Variants in ANKRD18B observed in about 807,000 individuals in gnomAD.
ANKRD18B encodes the protein ankyrin repeat domain-containing protein 18B.
Under a neutral mutation model 111.8 loss-of-function variants are expected in ANKRD18B, and 75 were observed. The ratio of observed to expected loss-of-function variants is 0.67; its 90% CI spans 0.56 to 0.81. The LOEUF is 0.81. Ranked by LOEUF, ANKRD18B falls within the 40% of genes least tolerant of loss-of-function variation. The probability of loss-of-function intolerance (pLI) is 0.00; values close to 1 mark genes in which losing one functional copy is unlikely to be tolerated. For missense variants in ANKRD18B, 1,038 were observed against 1,225.5 expected, an observed-to-expected ratio of 0.85 and a Z score of 2.28; for synonymous variants, 356 against 417.3, an observed-to-expected ratio of 0.85 and a Z score of 1.79.
chr9:33,558,682 A>G (rs903379336), intron 14 of ANKRD18B, among the ~76,000 whole-genome samples: 1 of 152,194 alleles, frequency 6.6e-6, no homozygotes, highest in Non-Finnish European at 1.5e-5. Flanking sequence ...TTATAATACA[A>G]TAATTTATAT....
rs537574569 is a variant in ANKRD18B at position 33,568,907 on chromosome 9, C to A, written c.3177+14C>A. Reference sequence around the variant, plus strand: ...TCCTTGACTGAGGTTAGTTATATGACCATTTCTCTTTTGGGTTTCATTTCT... The same window carrying A: ...TCCTTGACTGAGGTTAGTTATATGAACATTTCTCTTTTGGGTTTCATTTCT... On this transcript the variant is annotated intron_variant, in intron 17 of 18. Transcript: ENST00000684830. 8 of 1,516,466 alleles carry A rather than the reference C, an allele frequency of 5.3e-6. No homozygotes were observed. In the South Asian group the frequency reaches 1.0e-4, roughly 19 times the overall value. The allele number at this position is 1,516,466 out of a possible 1,614,324, so 93.9% of individuals were successfully genotyped here. A position where few individuals can be genotyped will look rare whatever the true frequency, so the allele number is the denominator to read the frequency against.
chr9:33,569,471 G>A (rs1482294070), intron 17 of ANKRD18B, among the ~76,000 whole-genome samples: 1 of 151,672 alleles, frequency 6.6e-6, no homozygotes, highest in Non-Finnish European at 1.5e-5. Context: ...CACCATATTG[G>A]CCAGGCAGGT....
chr9:33,572,148 T>C, intron 18 of ANKRD18B, 168 bp from the exon 19 acceptor site: 1 of 612,380 alleles, frequency 1.6e-6, no homozygotes, highest in Non-Finnish European at 2.9e-6. Context: ...ACAATTAGAA[T>C]TAGTGCCATG....
chr9:33,541,112 A>T, intron 8 of ANKRD18B, 35 bp from the exon 9 acceptor site: 1 of 1,537,574 alleles, frequency 6.5e-7, no homozygotes, highest in Non-Finnish European at 8.7e-7. Flanking sequence ...GATGTTTTCC[A>T]GAAGGAATAT....
chr9:33,542,174 C>G (rs958811733), intron 9 of ANKRD18B, among the ~76,000 whole-genome samples: 19 of 149,994 alleles, frequency 1.3e-4, no homozygotes, highest in African/African-American at 4.4e-4. Context: ...AAAATAAAGA[C>G]TGTCTACACA....
chr9:33,548,454 A>G lies in ANKRD18B; in HGVS notation c.1666A>G (p.Thr556Ala). 6.4e-7 allele frequency: 1 copy of G among 1,551,208 alleles called. No individual in the cohort carries two copies. Among genetic ancestry groups the G allele is most frequent in the Admixed American group, 2.0e-5 (1 of 50,930 alleles). Residue 556 changes from threonine (T) to alanine (A), a missense_variant, in exon 11 of 19, where the codon ACC becomes GCC. This residue lies in a region of ANKRD18B where 524 missense variants were observed against 677.9 expected (regional missense o/e 0.77). Transcript: ENST00000684830. Reference sequence around the variant, plus strand: ...CCATAAAGCTCGGGTGAAGTTCAATACCTTAAAAGGTAAGCTCCGTGAGAC... The same window carrying G: ...CCATAAAGCTCGGGTGAAGTTCAATGCCTTAAAAGGTAAGCTCCGTGAGAC... ...QVHKARVKFN[T>A]LKGKLRETRD... is the part of the protein sequence containing the mutation.
chr9:33,567,419 G>C, intron 16 of ANKRD18B, 105 bp downstream of exon 16: 1 of 957,502 alleles, frequency 1.0e-6, no homozygotes. Context: ...GGAAGTGAAT[G>C]CTAATTTGGT....
chr9:33,547,912 C>T (rs1828384068), intron 10 of ANKRD18B, 26 bp from the exon 11 acceptor site: 3 of 1,359,822 alleles, frequency 2.2e-6, no homozygotes, highest in Admixed American at 3.3e-5. Context: ...TGAGTGCTAA[C>T]TAAAAATTTG....
intron 11 of ANKRD18B, 52 bp from the exon 12 acceptor site, chr9:33,550,376 CAT>C: frequency 1.4e-6 from 2 of 1,460,316 alleles, no homozygotes; most frequent in Non-Finnish European, 1.8e-6. Flanking sequence ...TAAATATTAA[CAT>C]AATTTAATAA....
chr9:33,527,024 G>C (rs1210958766), intron 1 of ANKRD18B, among the ~76,000 whole-genome samples: 4 of 152,108 alleles, frequency 2.6e-5, no homozygotes, highest in Non-Finnish European at 4.4e-5. Context: ...AAAACTTTAT[G>C]TTTACCTGTT....
intron 14 of ANKRD18B, 117 bp from the exon 15 acceptor site, chr9:33,566,102 C>T: frequency 1.1e-6 from 1 of 926,110 alleles, no homozygotes; most frequent in Non-Finnish European, 1.6e-6. Context: ...GAAGAATCTA[C>T]TACATTATAG....
chr9:33,573,378 C>G (rs1436338706), downstream of ANKRD18B: 3 of 886,246 alleles, frequency 3.4e-6, no homozygotes, highest in African/African-American at 3.6e-5. Flanking sequence ...TGATTAGTCT[C>G]TCTGCAGCCT....
At chr9:33,527,399 G>A (rs1828041104) in intron 1 of ANKRD18B, among the ~76,000 whole-genome samples, 1 of 152,056 alleles carries the variant, frequency 6.6e-6, no homozygotes, top group African/African-American at 2.4e-5. Context: ...TCAGCTCACT[G>A]CAACCTCTGC....
chr9:33,534,317 A>G, intron 4 of ANKRD18B, 53 bp from the exon 5 acceptor site: 1 of 1,491,878 alleles, frequency 6.7e-7, no homozygotes, highest in Non-Finnish European at 8.9e-7. Context: ...CAATTTGCTA[A>G]TTAAATATCT....
intron 13 of ANKRD18B, among the ~76,000 whole-genome samples, 194 bp downstream of exon 13, chr9:33,556,014 G>A (rs998956000): frequency 1.2e-4 from 18 of 151,886 alleles, no homozygotes; most frequent in Non-Finnish European, 2.6e-4. Context: ...ATGACCCTTG[G>A]ACTTTTTTGT....
chr9:33,550,320 G>A (rs1828428116), intron 11 of ANKRD18B, 110 bp from the exon 12 acceptor site: 1 of 1,147,612 alleles, frequency 8.7e-7, no homozygotes, highest in Admixed American at 3.0e-5. Flanking sequence ...AAAAGAAAGT[G>A]AATCTGTGTG....
chr9:33,534,764 T>C (rs1245457721), intron 5 of ANKRD18B, among the ~76,000 whole-genome samples: 2 of 152,058 alleles, frequency 1.3e-5, no homozygotes, highest in Admixed American at 1.3e-4. Context: ...TTATTCCAAG[T>C]ATAACTCTTA....
At chr9:33,547,676 T>C (rs1828377304) in intron 10 of ANKRD18B, among the ~76,000 whole-genome samples, 1 of 141,172 alleles carries the variant, frequency 7.1e-6, no homozygotes, top group Non-Finnish European at 1.5e-5. Flanking sequence ...TTAAAAATTC[T>C]CTAGAGTGTG....
At chr9:33,566,600 C>G (rs747455299) in intron 15 of ANKRD18B, 100 bp downstream of exon 15, 1 of 1,386,388 alleles carries the variant, frequency 7.2e-7, no homozygotes, top group Non-Finnish European at 9.6e-7. Flanking sequence ...TCCTCTGCCT[C>G]TCTTACGGCA....
Sources: gnomAD v4.1 joint callset for allele counts (sites outside exome capture counted in the v4.1 genomes callset) on GRCh38, gnomAD v4.1.1 for gene constraint, gnomAD v4.1.1 regional missense constraint, MANE v1.5 for transcripts, NCBI Gene and HGNC (gene_info 2026-07-23, HGNC 2026-07-21) for gene names.